KRT72: variants seen among roughly 807,000 people sequenced by gnomAD.
KRT72 encodes keratin, type II cytoskeletal 72.
Under a neutral mutation model 44.7 loss-of-function variants are expected in KRT72, and 44 were observed. The observed-to-expected ratio is 0.98, with a 90% CI of 0.77 to 1.27. The LOEUF is 1.27. KRT72 is among the 50% of genes most tolerant of loss of function. The pLI is 0.00. For synonymous variants in KRT72, 302 were observed against 280.4 expected (o/e 1.08, Z -0.77); for missense variants, 736 against 667.1 (o/e 1.10, Z -1.14).
At chr12:52,592,373 A>G (rs989609474) in intron 4 of KRT72, 23 bp downstream of exon 4, 1 of 1,512,378 alleles carries the variant, frequency 6.6e-7, no homozygotes, top group Non-Finnish European at 9.2e-7. Context: ...AGATCTCACA[A>G]GAGAGGTCAG....
intron 6 of KRT72, among the ~76,000 whole-genome samples, chr12:52,588,111 G>A (rs1420247684): frequency 1.3e-5 from 2 of 152,218 alleles, no homozygotes; most frequent in Admixed American, 6.5e-5. Context: ...AAAGAGGGCG[G>A]CCTGGGCACA....
chr12:52,591,736 G>T, intron 4 of KRT72, 108 bp from the exon 5 acceptor site: 1 of 1,122,162 alleles, frequency 8.9e-7, no homozygotes, highest in Non-Finnish European at 1.3e-6. Context: ...TTTCCTCAGC[G>T]TTTGAACTCT....
chr12:52,592,062 A>C (rs569819705), intron 4 of KRT72, among the ~76,000 whole-genome samples: 1 of 152,272 alleles, frequency 6.6e-6, no homozygotes, highest in African/African-American at 2.4e-5. Context: ...GCACCCACTG[A>C]AATCGTCCTC....
In KRT72 at chr12:52,586,980, C is replaced by A. The variant is rs1262085168; in HGVS notation, c.1311G>T (p.Arg437Ser). The change falls in exon 8 of 9, where the codon AGG (arginine) becomes AGT (serine). Residue 437 changes from arginine to serine, a missense_variant and splice_region_variant. Coordinates refer to ENST00000293745, the MANE Select transcript of KRT72 (RefSeq NM_080747.3). ...CAGAATTTGGATATTCGCCAGACAT[C>A]CTGAAGAAGGAGAAGAAAAACAGGT... ...YRKLLESEEC[R>S]MSGEYPNSVS... 4 of 1,613,850 alleles carry A rather than the reference C, an allele frequency of 2.5e-6. No homozygotes were observed. In the South Asian group the frequency reaches 4.4e-5, roughly 18 times the overall value.
intron 3 of KRT72, 89 bp downstream of exon 3, chr12:52,592,803 C>G: frequency 1.7e-6 from 2 of 1,146,272 alleles, no homozygotes; most frequent in Non-Finnish European, 2.6e-6. Flanking sequence ...ACTGAGTGAC[C>G]TACAGGGCCC....
At chr12:52,591,837 G>C (rs1177108718) in intron 4 of KRT72, among the ~76,000 whole-genome samples, 4 of 152,106 alleles carry the variant, frequency 2.6e-5, no homozygotes, top group Non-Finnish European at 5.9e-5. Flanking sequence ...TGCACACTCA[G>C]GAGCACTCCT....
chr12:52,589,771 C>T (rs1183558126), intron 6 of KRT72, among the ~76,000 whole-genome samples: 4 of 152,184 alleles, frequency 2.6e-5, no homozygotes, highest in Non-Finnish European at 4.4e-5. Flanking sequence ...AGGGTATCTT[C>T]CCTGACCACC....
At chr12:52,600,595 G>A (rs780088776) in intron 1 of KRT72, among the ~76,000 whole-genome samples, 2 of 152,108 alleles carry the variant, frequency 1.3e-5, no homozygotes, top group Non-Finnish European at 2.9e-5. Flanking sequence ...GATCTGATGC[G>A]TTTATCAGGG....
upstream of KRT72, among the ~76,000 whole-genome samples, chr12:52,602,809 A>G (rs1312546000): frequency 1.3e-5 from 2 of 152,198 alleles, no homozygotes; most frequent in Non-Finnish European, 2.9e-5. Flanking sequence ...GGTTGGTTAA[A>G]TGGTACCTGG....
intron 2 of KRT72, 69 bp downstream of exon 2, chr12:52,598,829 G>C (rs997633997): frequency 3.4e-5 from 48 of 1,407,666 alleles, no homozygotes; most frequent in Non-Finnish European, 4.6e-5. Flanking sequence ...AAGCAAAAAT[G>C]CCATCTCCAA....
In KRT72 at chr12:52,586,161, TG is replaced by T. The variant is rs993559933; in HGVS notation, c.1356del (p.Ser452ArgfsTer190). The T allele has an allele frequency of 1.2e-6, 2 of 1,613,566 alleles. No individual in the cohort carries two copies. The highest frequency in any genetic ancestry group is 1.7e-6 in the Non-Finnish European group (2 of 1,179,754). ...YPNSVSISVISSTNAGAGGAG... is the reference protein window; with the variant it reads ...YPNSVSISVIXSTNAGAGGAG... ...GCCCCTCCTGCCCCAGCATTGGTGC[TG>T]CTGATGACGGCTGGAATGGATGAGA... On this transcript the variant is annotated frameshift_variant, in exon 9 of 9. Transcript: ENST00000293745. LOFTEE classifies it low-confidence loss of function (END_TRUNC).
In KRT72 at chr12:52,590,950, C is replaced by A. The variant is rs188386384; in HGVS notation, c.975G>T (p.Leu325=). The stretch of plus-strand genomic sequence containing the variant: ...CCCCATGCTGGCCTGCTGTGACCTG[C>A]AGCTCCTGGATCTGAGGTTGGGTGA... ...ETLYQTKIQE[L]QVTAGQHGDD... The change falls in exon 6 of 9, where the codon CTG becomes CTT. Residue 325 remains leucine, a synonymous_variant. Coordinates refer to ENST00000293745, the MANE Select transcript of KRT72 (RefSeq NM_080747.3). The A allele has an allele frequency of 2.2e-5, 35 of 1,594,612 alleles. No homozygotes were observed. In the Admixed American group the frequency reaches 3.9e-4, roughly 18 times the overall value.
chr12:52,601,257 G>A lies in KRT72; in HGVS notation c.196C>T (p.Arg66Trp), dbSNP rs1041141355. 1.3e-5 allele frequency: 20 copies of A among 1,563,052 alleles called. No homozygotes were observed. Among genetic ancestry groups the A allele is most frequent in the Non-Finnish European group, 1.6e-5 (18 of 1,154,426 alleles). The change falls in exon 1 of 9, where the codon CGG (arginine) becomes TGG (tryptophan). Residue 66 changes from arginine (R) to tryptophan (W), a missense_variant. Transcript: ENST00000293745. ...RSLALSAAAR[R>W]GGGRLGGFVG... ...AAGCCGCCCAGGCGGCCGCCGCCCC[G>A]CCGTGCAGCAGCGCTGAGCGCCAGG... is the stretch of plus-strand genomic sequence containing the variant.
intron 1 of KRT72, chr12:52,599,315 AGGAAGAG>A (rs1356430342): frequency 1.5e-6 from 1 of 648,154 alleles, no homozygotes; most frequent in Non-Finnish European, 2.8e-6. Flanking sequence ...ATATGGAATC[AGGAAGAG>A]GGCTTAAGCA....
chr12:52,599,440 A>C (rs1288219306), intron 1 of KRT72: 3 of 476,450 alleles, frequency 6.3e-6, no homozygotes, highest in Admixed American at 2.3e-5. Context: ...AGCAGGGGAG[A>C]AACAGGGACT....
chr12:52,599,695 A>G (rs1283484456), intron 1 of KRT72, among the ~76,000 whole-genome samples: 3 of 152,188 alleles, frequency 2.0e-5, no homozygotes, highest in Non-Finnish European at 4.4e-5. Flanking sequence ...ATGCTAGGGA[A>G]CAACAGACAT....
chr12:52,598,801 T>C, intron 2 of KRT72, 97 bp downstream of exon 2: 1 of 987,790 alleles, frequency 1.0e-6, no homozygotes, highest in Non-Finnish European at 1.6e-6. Flanking sequence ...CCTCCCCCGG[T>C]ATCAGCAAGG....
chr12:52,595,203 T>C (rs980191676), intron 2 of KRT72, among the ~76,000 whole-genome samples: 3 of 152,056 alleles, frequency 2.0e-5, no homozygotes, highest in Admixed American at 2.0e-4. Context: ...CAGAGTTCAA[T>C]ACACACATTA....
Position 52,587,779 on chromosome 12 carries a change from T to A in KRT72, c.1162A>T (p.Lys388Ter). ...AGGGCGCCCTCCAGCTCATCCAGCT[T>A]GGCCCGGGCATCTTTCAGGGCGCAG... ...GDCALKDARA[K>*]LDELEGALHQ... Residue 388 changes from lysine (K) to a stop codon, truncating the protein, a stop_gained, in exon 7 of 9, where the codon AAG (lysine) becomes TAG (stop). Transcript: ENST00000293745. LOFTEE classifies it high-confidence loss of function. 1 of 1,614,102 alleles carries A rather than the reference T, an allele frequency of 6.2e-7. No homozygotes were observed.
Sources: allele counts gnomAD v4.1 joint callset (sites outside exome capture counted in the v4.1 genomes callset), GRCh38; gene constraint gnomAD v4.1.1; transcripts MANE v1.5; gene names NCBI Gene and HGNC (gene_info 2026-07-23, HGNC 2026-07-21).